CGN: variants seen among roughly 807,000 people sequenced by gnomAD.
CGN encodes the protein cingulin.
A neutral mutation model predicts 157.1 loss-of-function variants in CGN; 121 were observed. That is an observed-to-expected ratio of 0.77 (90% CI 0.66 to 0.90). The LOEUF (loss-of-function observed/expected upper bound fraction) is 0.90, where lower values mean the gene tolerates loss of function less well. Among genes scored for constraint, CGN ranks in the 40% least tolerant of loss-of-function variants. CGN has a pLI of 0.00. For missense variants in CGN, 1,424 were observed against 1,520.9 expected (o/e 0.94, Z 1.06); for synonymous variants, 535 against 607.5 (o/e 0.88, Z 1.76).
At chr1:151,514,669 C>T (rs546574105) in intron 1 of CGN, among the ~76,000 whole-genome samples, 1 of 152,192 alleles carries the variant, frequency 6.6e-6, no homozygotes, top group East Asian at 1.9e-4. Context: ...GGGAGACAGA[C>T]AGGAAATAAT....
chr1:151,513,635 G>A (rs1025308534), intron 1 of CGN, among the ~76,000 whole-genome samples: 1 of 151,966 alleles, frequency 6.6e-6, no homozygotes, highest in Admixed American at 6.6e-5. Flanking sequence ...CCACACACCC[G>A]AAACCACCCC....
chr1:151,526,159 G>T (rs1356402427), intron 9 of CGN, among the ~76,000 whole-genome samples: 35 of 145,772 alleles, frequency 2.4e-4, no homozygotes. Context: ...GGTGTGAGCC[G>T]CTGCGCCTGG....
intron 8 of CGN, 95 bp from the exon 9 acceptor site, chr1:151,525,547 C>G (rs993114090): frequency 3.8e-6 from 4 of 1,055,272 alleles, no homozygotes; most frequent in Non-Finnish European, 3.9e-6. Flanking sequence ...ATGGTGCCCT[C>G]TGGGTCTAAG....
At position 151,535,479 on chromosome 1, in the gene CGN, C is replaced by T. The variant is rs898230967; in HGVS notation, c.2995-121C>T. The T allele has an allele frequency of 3.8e-6, 3 of 797,228 alleles. No individual in the cohort carries two copies. The Admixed American group carries it at 6.3e-5, about 17-fold the overall frequency. The allele number at this position is 797,228 out of a possible 1,614,324, so 49.4% of individuals were successfully genotyped here. On this transcript the variant is annotated intron_variant, in intron 16 of 20. Transcript: ENST00000271636. ...GAATAGGCTGTGATTTTTTAGTTGC[C>T]TGGGAATTTTTGGATTCAGGGTTCA...
rs1664902895 is a variant in CGN at position 151,534,039 on chromosome 1, A to G, written c.2807A>G (p.Lys936Arg). The G allele has an allele frequency of 1.2e-6, 2 of 1,613,806 alleles. No homozygotes were observed. The highest frequency in any genetic ancestry group is 1.7e-6 in the Non-Finnish European group (2 of 1,179,962). Residue 936 changes from lysine to arginine, a missense_variant, in exon 15 of 21, where the codon AAA (lysine) becomes AGA (arginine). This residue lies in a region of CGN where 1,187 missense variants were observed against 1,217.6 expected (regional missense o/e 0.97). Coordinates refer to ENST00000271636, the MANE Select transcript of CGN (RefSeq NM_020770.3). ...GAGCGGGACACAGCCCGGCTGGACAAAGAGCTACTGGCCCAGCGACTGCAG... is the reference window on the plus strand; with the variant it reads ...GAGCGGGACACAGCCCGGCTGGACAGAGAGCTACTGGCCCAGCGACTGCAG... ...QAERDTARLD[K>R]ELLAQRLQGL...
chr1:151,523,587 G>C, intron 6 of CGN, 26 bp downstream of exon 6: 1 of 1,573,926 alleles, frequency 6.4e-7, no homozygotes, highest in Non-Finnish European at 8.6e-7. Context: ...GGCGCACCTC[G>C]GGCTGCTTGG....
In CGN at chr1:151,529,532, G is replaced by T. The variant is rs773899909; in HGVS notation, c.2079G>T (p.Leu693=). The change falls in exon 11 of 21, where the codon CTG becomes CTT. Residue 693 remains leucine, a synonymous_variant. Transcript: ENST00000271636. ...NLQLQKTLQQ[L]RQDCEEASKA... is the part of the protein sequence containing the mutation. ...AGCTACAAAAGACCCTCCAGCAACT[G>T]CGACAGGACTGTGAAGAGGCTTCCA... 2 of 1,613,906 alleles carry T rather than the reference G, an allele frequency of 1.2e-6. No individual in the cohort carries two copies. The highest frequency in any genetic ancestry group is 1.7e-6 in the Non-Finnish European group (2 of 1,179,950).
intron 15 of CGN, 25 bp from the exon 16 acceptor site, chr1:151,535,017 A>G: frequency 6.4e-7 from 1 of 1,569,324 alleles, no homozygotes; most frequent in Non-Finnish European, 8.8e-7. Context: ...CATTTGGGAC[A>G]GAATTACTTG....
At chr1:151,513,553 TC>T (rs1386555565) in intron 1 of CGN, among the ~76,000 whole-genome samples, 2 of 152,338 alleles carry the variant, frequency 1.3e-5, no homozygotes, top group African/African-American at 4.8e-5. Context: ...CCTCAAGTTC[TC>T]CCGTTTTCTA....
chr1:151,512,831 G>A lies in CGN; in HGVS notation c.-15+1316G>A, dbSNP rs112425100. On this transcript the variant is annotated intron_variant, in intron 1 of 20. Transcript: ENST00000271636. ...GGACTGCTAATCCAGAGATTTGCCC[G>A]ACTCTAAGAGGATTCTGGCTTCCTA... Among the ~76,000 whole-genome samples, 1,078 of 152,334 alleles carry A rather than the reference G, an allele frequency of 7.1e-3. 5 individuals carry two copies. Among genetic ancestry groups the A allele is most frequent in the African/African-American group, 0.025 (1,037 of 41,580 alleles).
In CGN at chr1:151,535,582, C is replaced by T. The variant is rs781254325; in HGVS notation, c.2995-18C>T. 1 of 1,607,660 alleles carries T rather than the reference C, an allele frequency of 6.2e-7. No individual in the cohort carries two copies. The highest frequency in any genetic ancestry group is 8.5e-7 in the Non-Finnish European group (1 of 1,174,924). On this transcript the variant is annotated intron_variant, in intron 16 of 20. Coordinates refer to ENST00000271636, the MANE Select transcript of CGN (RefSeq NM_020770.3). ...CTTAGCCCTCCCCAAGTCTGGTCCT[C>T]TCACCCATCCCCACTAGGTGGATCA...
chr1:151,512,926 G>A (rs987963077), intron 1 of CGN, among the ~76,000 whole-genome samples: 2 of 152,142 alleles, frequency 1.3e-5, no homozygotes, highest in East Asian at 3.9e-4. Flanking sequence ...GGGGTGTAGG[G>A]CTCTTCTCTT....
rs1664490596 is a variant in CGN at position 151,519,385 on chromosome 1, T to C, written c.866T>C (p.Met289Thr). Residue 289 changes from methionine (M) to threonine (T), a missense_variant, in exon 2 of 21, where the codon ATG becomes ACG. Coordinates refer to ENST00000271636, the MANE Select transcript of CGN (RefSeq NM_020770.3). ...CGGAGGAGTGCACAGGACCCCACCA[T>C]GCTGCAGGTCAGACCCAGCCCCTCC... ...EPRRSAQDPTMLQFKSTPDLL... is the reference protein window; with the variant it reads ...EPRRSAQDPTTLQFKSTPDLL... 4 of 1,589,732 alleles carry C rather than the reference T, an allele frequency of 2.5e-6. No homozygotes were observed. The highest frequency in any genetic ancestry group is 1.1e-5 in the South Asian group (1 of 90,060).
Position 151,524,596 on chromosome 1 carries a change from A to T in CGN, c.1402-78A>T. 1 of 1,336,088 alleles carries T rather than the reference A, an allele frequency of 7.5e-7. No individual in the cohort carries two copies. Among genetic ancestry groups the T allele is most frequent in the Non-Finnish European group, 1.0e-6 (1 of 965,500 alleles). 82.8% of individuals were successfully genotyped at this position (1,336,088 alleles called of 1,614,324 possible). ...TGGTACTGTGCCTAATACGATAAAT[A>T]TTTTTTGACTCAGTGAATTGATAAA... On this transcript the variant is annotated intron_variant, in intron 7 of 20. Coordinates refer to ENST00000271636, the MANE Select transcript of CGN (RefSeq NM_020770.3). The surrounding 1 kb of genome is among the most constrained non-coding windows in gnomAD (Gnocchi z 4.4).
chr1:151,528,171 G>A (rs1047893650), intron 10 of CGN, among the ~76,000 whole-genome samples: 24 of 147,810 alleles, frequency 1.6e-4, no homozygotes, highest in Non-Finnish European at 2.6e-4. Flanking sequence ...GTGTTTCACC[G>A]TGAAACATGG....
In CGN at chr1:151,520,684, A is replaced by G. The variant is rs1284322304; in HGVS notation, c.1133A>G (p.Glu378Gly). Residue 378 changes from glutamate (E) to glycine (G), a missense_variant, in exon 5 of 21, where the codon GAG becomes GGG. Transcript: ENST00000271636. ...GAGCTACAGCGAAAGCTGGATGAAG[A>G]GGTGAAGGTAAGGAAAGGTTAGAGG... ...VEELQRKLDE[E>G]VKKRQKLEPS... 1.2e-6 allele frequency: 2 copies of G among 1,613,282 alleles called. No individual in the cohort carries two copies. Among genetic ancestry groups the G allele is most frequent in the South Asian group, 2.2e-5 (2 of 90,858 alleles).
rs1571671961 is a variant in CGN at position 151,535,693 on chromosome 1, G to A, written c.3078+10G>A. On this transcript the variant is annotated intron_variant, in intron 17 of 20. Transcript: ENST00000271636. ...CTCCTTGGAGAGACAGGTGATGGGG[G>A]AGGGGAGGATTCTTAGGGATGGACC... The A allele has an allele frequency of 1.2e-6, 2 of 1,612,616 alleles. No homozygotes were observed. The highest frequency in any genetic ancestry group is 2.2e-5 in the East Asian group (1 of 44,866).
chr1:151,520,769 C>T (rs1230081830), intron 5 of CGN, 78 bp downstream of exon 5: 11 of 1,112,686 alleles, frequency 9.9e-6, no homozygotes, highest in African/African-American at 1.6e-5. Context: ...GCTGAGCTGA[C>T]CCTTCTAAGC....
At position 151,525,688 on chromosome 1, in the gene CGN, T is replaced by G; in HGVS notation, c.1661T>G (p.Val554Gly). Residue 554 changes from valine to glycine, a missense_variant, in exon 9 of 21, where the codon GTG (valine) becomes GGG (glycine). By Grantham distance (109) the Val-to-Gly change is moderately radical. Around this residue, in one of 3 missense-constraint regions of CGN, gnomAD observed 1,187 missense variants for 1,217.6 expected, o/e 0.97. Transcript: ENST00000271636. Reference sequence around the variant, plus strand: ...GAGAGGCAGAAGATGTCAGCCCTTGTGCGAGGGCTGCAGAGGGAGCTGGAG... The same window carrying G: ...GAGAGGCAGAAGATGTCAGCCCTTGGGCGAGGGCTGCAGAGGGAGCTGGAG... ...EAERQKMSAL[V>G]RGLQRELEET... 1 of 1,611,464 alleles carries G rather than the reference T, an allele frequency of 6.2e-7. No individual in the cohort carries two copies. Among genetic ancestry groups the G allele is most frequent in the Non-Finnish European group, 8.5e-7 (1 of 1,178,658 alleles).
Sources: gnomAD v4.1 joint callset for allele counts (sites outside exome capture counted in the v4.1 genomes callset) on GRCh38, gnomAD v4.1.1 for gene constraint, gnomAD v4.1.1 regional missense constraint, Gnocchi (gnomAD v3.1) non-coding constraint, MANE v1.5 for transcripts, NCBI Gene and HGNC (gene_info 2026-07-23, HGNC 2026-07-21) for gene names.